The following FMN1 variants were observed in gnomAD, a reference collection of about 807,000 sequenced individuals.
FMN1 encodes formin-1.
FMN1 carries 110 observed loss-of-function variants against 132.4 expected under a neutral mutation model. That is an observed-to-expected ratio of 0.83 (90% CI 0.71 to 0.97). The LOEUF is 0.97. FMN1 is among the 50% of genes least tolerant of loss of function. FMN1 has a pLI of 0.00. For missense variants in FMN1, 1,792 were observed against 1,705.3 expected (o/e 1.05, Z -0.90); for synonymous variants, 722 against 651.7 (o/e 1.11, Z -1.64).
chr15:32,864,236 C>T (rs1286951869), intron 16 of FMN1, among the ~76,000 whole-genome samples: 1 of 152,152 alleles, frequency 6.6e-6, no homozygotes, highest in Non-Finnish European at 1.5e-5. Flanking sequence ...AGGTCTGATG[C>T]TACACAGCAG....
intron 4 of FMN1, among the ~76,000 whole-genome samples, chr15:33,135,817 C>A (rs1052969810): frequency 1.3e-5 from 2 of 152,136 alleles, no homozygotes; most frequent in Admixed American, 6.5e-5. Flanking sequence ...ACCAAAAAAA[C>A]CATGGAATGT....
At chr15:33,036,896 A>G (rs1237544823) in intron 6 of FMN1, among the ~76,000 whole-genome samples, 1 of 152,230 alleles carries the variant, frequency 6.6e-6, no homozygotes, top group African/African-American at 2.4e-5. Context: ...TTCTCTTAGA[A>G]ATAAATTCAT....
At chr15:32,800,323 G>A (rs114342964) in intron 18 of FMN1, among the ~76,000 whole-genome samples, 440 of 152,268 alleles carry the variant, frequency 2.9e-3, no homozygotes, top group African/African-American at 9.7e-3. Context: ...AGTGGAGAAA[G>A]GCAATAACTG....
intron 19 of FMN1, among the ~76,000 whole-genome samples, chr15:32,797,973 T>C (rs1444025674): frequency 1.3e-5 from 2 of 152,198 alleles, no homozygotes; most frequent in South Asian, 2.1e-4. Flanking sequence ...TCATTTTCCT[T>C]ACGCTGAGGA....
At chr15:32,937,319 G>C (rs2061299074) in intron 9 of FMN1, among the ~76,000 whole-genome samples, 1 of 152,178 alleles carries the variant, frequency 6.6e-6, no homozygotes, top group African/African-American at 2.4e-5. Flanking sequence ...GGAGAAGCCA[G>C]GAGGTAGTTT....
intron 6 of FMN1, among the ~76,000 whole-genome samples, chr15:33,019,447 C>T (rs866795310): frequency 3.6e-4 from 55 of 152,334 alleles, no homozygotes; most frequent in African/African-American, 9.9e-4. Flanking sequence ...GCACCGGGGC[C>T]GCAGGTGGAG....
intron 16 of FMN1, among the ~76,000 whole-genome samples, chr15:32,862,010 T>C (rs1362591764): frequency 6.6e-6 from 1 of 152,080 alleles, no homozygotes; most frequent in East Asian, 1.9e-4. Flanking sequence ...CTTCCCCACA[T>C]GATCAAAGGA....
intron 10 of FMN1, among the ~76,000 whole-genome samples, chr15:32,913,246 A>T (rs2060606791): frequency 1.3e-5 from 2 of 152,156 alleles, no homozygotes; most frequent in Non-Finnish European, 2.9e-5. Context: ...AATGCCAGGT[A>T]CCTCCAAGTC....
chr15:33,066,190 A>G (rs1244316856), intron 5 of FMN1, among the ~76,000 whole-genome samples: 3 of 152,242 alleles, frequency 2.0e-5, no homozygotes, highest in Non-Finnish European at 4.4e-5. Context: ...CTATACTGCC[A>G]TCTTGCATCA....
At chr15:32,794,012 G>A (rs534254992) in intron 19 of FMN1, among the ~76,000 whole-genome samples, 1 of 152,274 alleles carries the variant, frequency 6.6e-6, no homozygotes, top group African/African-American at 2.4e-5. Context: ...TGGTCCTAAA[G>A]TGACCTGAGC....
At chr15:33,010,035 C>T (rs1169697354) in intron 6 of FMN1, among the ~76,000 whole-genome samples, 1 of 152,146 alleles carries the variant, frequency 6.6e-6, no homozygotes, top group East Asian at 1.9e-4. Flanking sequence ...TACAGCCCAC[C>T]ACCATGCCCA....
At chr15:33,129,026 A>AT (rs1963417644) in intron 4 of FMN1, among the ~76,000 whole-genome samples, 1 of 152,014 alleles carries the variant, frequency 6.6e-6, no homozygotes, top group African/African-American at 2.4e-5. Flanking sequence ...TGATTGGTGC[A>AT]TTTACAATCC....
intron 4 of FMN1, among the ~76,000 whole-genome samples, chr15:33,123,337 T>C (rs954800515): frequency 3.3e-5 from 5 of 152,046 alleles, no homozygotes; most frequent in Non-Finnish European, 5.9e-5. Context: ...CACCATCTAC[T>C]GAATTAGGTA....
intron 6 of FMN1, among the ~76,000 whole-genome samples, chr15:33,017,478 A>T (rs550441674): frequency 2.5e-4 from 38 of 150,630 alleles, no homozygotes; most frequent in African/African-American, 9.3e-4. Flanking sequence ...AAAATAGTTG[A>T]TTTTTTTTTT....
intron 9 of FMN1, among the ~76,000 whole-genome samples, chr15:32,935,342 T>C (rs1278891546): frequency 1.3e-5 from 2 of 152,242 alleles, no homozygotes; most frequent in Admixed American, 6.5e-5. Flanking sequence ...GATAGTCTTG[T>C]TGGGGTGCCC....
intron 17 of FMN1, among the ~76,000 whole-genome samples, chr15:32,838,838 G>A (rs1465675960): frequency 6.6e-6 from 1 of 152,204 alleles, no homozygotes; most frequent in Admixed American, 6.5e-5. Context: ...ATTGTGACAC[G>A]AAGACTGAAA....
At chr15:33,136,809 C>T (rs1963785428) in intron 4 of FMN1, among the ~76,000 whole-genome samples, 1 of 152,072 alleles carries the variant, frequency 6.6e-6, no homozygotes, top group Non-Finnish European at 1.5e-5. Context: ...AGAAACATGC[C>T]AGGCATGGTG....
At chr15:32,933,880 C>G (rs2140400193) in intron 9 of FMN1, among the ~76,000 whole-genome samples, 1 of 152,202 alleles carries the variant, frequency 6.6e-6, no homozygotes, top group Admixed American at 6.5e-5. Context: ...GTCCTTGAGT[C>G]TAAAATGACT....
chr15:32,788,539 G>A (rs2056957396), intron 19 of FMN1, among the ~76,000 whole-genome samples: 1 of 152,192 alleles, frequency 6.6e-6, no homozygotes, highest in African/African-American at 2.4e-5. Flanking sequence ...TGAGGAAACA[G>A]GGAAGATTGT....
Sources: allele counts gnomAD v4.1 joint callset (sites outside exome capture counted in the v4.1 genomes callset), GRCh38; gene constraint gnomAD v4.1.1; transcripts MANE v1.5; gene names NCBI Gene and HGNC (gene_info 2026-07-23, HGNC 2026-07-21).